SMG1: variants seen among roughly 807,000 people sequenced by gnomAD.
SMG1 encodes the protein SMG1 nonsense mediated mRNA decay associated PI3K related kinase, also known as serine/threonine-protein kinase SMG1.
In SMG1, 22 loss-of-function variants were observed where a neutral mutation model predicts 419.9. The ratio of observed to expected loss-of-function variants is 0.05; its 90% confidence interval spans 0.04 to 0.07. SMG1 has a LOEUF of 0.07. Ranked by LOEUF, SMG1 falls within the 10% of genes least tolerant of loss-of-function variation. The pLI is 1.00. For synonymous variants in SMG1, 1,538 were observed against 1,553.5 expected (o/e 0.99, Z 0.23); for missense variants, 3,185 against 4,342.0 (o/e 0.73, Z 7.49).
chr16:18,862,936 C>A (rs1398154277), intron 25 of SMG1, among the ~76,000 whole-genome samples: 4 of 152,174 alleles, frequency 2.6e-5, no homozygotes, highest in Non-Finnish European at 5.9e-5. Flanking sequence ...TGTCTTCCCT[C>A]CCAAGAAGGT....
chr16:18,882,754 C>A (rs941321505), intron 9 of SMG1, among the ~76,000 whole-genome samples: 1 of 152,102 alleles, frequency 6.6e-6, no homozygotes, highest in Admixed American at 6.5e-5. Context: ...CAAGAGCATG[C>A]ACATGAAGAG....
chr16:18,869,959 A>G lies in SMG1; in HGVS notation c.2528T>C (p.Leu843Ser), dbSNP rs764684606. The change falls in exon 19 of 63, where the codon TTA becomes TCA. Residue 843 changes from leucine to serine, a missense_variant. Coordinates refer to ENST00000446231, the MANE Select transcript of SMG1 (RefSeq NM_015092.5). Reference protein sequence around the residue: ...NNHTEIQEISLALRSHMSKAP... With the variant: ...NNHTEIQEISSALRSHMSKAP... The stretch of plus-strand genomic sequence containing the variant: ...TTTACTCATGTGACTTCTTAATGCT[A>G]AAGAAATTTCTTGAATTTCTGTGTG... 5 of 1,538,070 alleles carry G rather than the reference A, an allele frequency of 3.3e-6. No homozygotes were observed. The African/African-American group carries it at 5.5e-5, about 17-fold the overall frequency.
At position 18,926,092 on chromosome 16, in the gene SMG1, GT is replaced by G; in HGVS notation, c.-52del. On this transcript the variant is annotated 5_prime_UTR_variant, in exon 1 of 63. Coordinates refer to ENST00000446231, the MANE Select transcript of SMG1 (RefSeq NM_015092.5). The stretch of plus-strand genomic sequence containing the variant: ...AGCGCCGCCGCCCAAAGAAGCGCGA[GT>G]CGCCGCCCGAACCGGCCGCCGCCGA... 1 of 1,495,576 alleles carries G rather than the reference GT, an allele frequency of 6.7e-7. No individual in the cohort carries two copies. The highest frequency in any genetic ancestry group is 1.5e-5 in the African/African-American group (1 of 68,732). The allele number at this position is 1,495,576 out of a possible 1,614,324, so 92.6% of individuals were successfully genotyped here.
At chr16:18,844,210 CTT>C (rs2034096128) in intron 39 of SMG1, among the ~76,000 whole-genome samples, 1 of 152,068 alleles carries the variant, frequency 6.6e-6, no homozygotes. Flanking sequence ...GGGTGGATCA[CTT>C]GAGGCCAGGA....
chr16:18,870,533 T>C, intron 18 of SMG1, 77 bp downstream of exon 18: 1 of 809,320 alleles, frequency 1.2e-6, no homozygotes, highest in Non-Finnish European at 2.1e-6. Flanking sequence ...ATAGGTGATC[T>C]GTCTTCTCCT....
chr16:18,828,082 T>C lies in SMG1; in HGVS notation c.9690A>G (p.Lys3230=), dbSNP rs2032880363. 6.2e-7 allele frequency: 1 copy of C among 1,613,430 alleles called. No individual in the cohort carries two copies. Among genetic ancestry groups the C allele is most frequent in the Non-Finnish European group, 8.5e-7 (1 of 1,179,694 alleles). ...TCTGGCTCAGGGTATGCAGCTTCTTTTTCATGCTGGTTAGGATAGCAGACC... is the reference window on the plus strand; with the variant it reads ...TCTGGCTCAGGGTATGCAGCTTCTTCTTCATGCTGGTTAGGATAGCAGACC... ...PPRSAILTSM[K]KKLHTLSQIE... is the part of the protein sequence containing the mutation. Residue 3230 remains lysine, a synonymous_variant, in exon 55 of 63, where the codon AAA becomes AAG. Transcript: ENST00000446231.
intron 1 of SMG1, among the ~76,000 whole-genome samples, chr16:18,905,729 A>G (rs573412394): frequency 6.6e-6 from 1 of 151,208 alleles, no homozygotes; most frequent in South Asian, 2.1e-4. Context: ...CTCCTGCCTC[A>G]GCCTCCCAAG....
intron 1 of SMG1, among the ~76,000 whole-genome samples, chr16:18,920,090 TA>T (rs36117552): frequency 3.0e-4 from 45 of 149,046 alleles, no homozygotes; most frequent in African/African-American, 1.1e-3. Context: ...AACTATGTCT[TA>T]AAAAAAAAGG....
rs569714902 is a variant in SMG1 at position 18,877,674 on chromosome 16, T to C, written c.1519-442A>G. 590 of 154,726 alleles carry C rather than the reference T, an allele frequency of 3.8e-3. 3 individuals carry two copies. The highest frequency in any genetic ancestry group is 6.7e-3 in the Non-Finnish European group (468 of 69,488). The allele number at this position is 154,726 out of a possible 1,614,324, so 9.6% of individuals were successfully genotyped here. ...AATATGTTAATGAGGGGGAAACTGT[T>C]GGGATGAAGAAGGTATATGGGAACT... On this transcript the variant is annotated intron_variant, in intron 11 of 62. Transcript: ENST00000446231.
chr16:18,832,688 C>G (rs1410335234), intron 51 of SMG1, among the ~76,000 whole-genome samples: 1 of 151,518 alleles, frequency 6.6e-6, no homozygotes, highest in Non-Finnish European at 1.5e-5. Context: ...CATAGTGTTA[C>G]TATAGATACT....
chr16:18,926,050 C>G lies in SMG1; in HGVS notation c.-9G>C. The G allele has an allele frequency of 6.4e-7, 1 of 1,565,792 alleles. No individual in the cohort carries two copies. The highest frequency in any genetic ancestry group is 8.6e-7 in the Non-Finnish European group (1 of 1,165,080). On this transcript the variant is annotated 5_prime_UTR_variant, in exon 1 of 63. Transcript: ENST00000446231. ...GGGGCTCTGCGGCTCATTACCTTCC[C>G]CGACACGACATGGCCAAGCGCCGCC...
intron 28 of SMG1, 110 bp from the exon 29 acceptor site, chr16:18,858,400 T>C (rs1023750828): frequency 2.7e-5 from 24 of 881,806 alleles, no homozygotes; most frequent in Middle Eastern, 3.6e-4. Flanking sequence ...CTACTTCAGA[T>C]TGATTGCAGT....
chr16:18,878,364 T>C (rs1446729671), intron 11 of SMG1: 3 of 150,820 alleles, frequency 2.0e-5, no homozygotes, highest in Non-Finnish European at 1.5e-5. Flanking sequence ...TCCCAGCACT[T>C]TGGGAGGGCA....
At chr16:18,917,183 G>A (rs897053558) in intron 1 of SMG1, among the ~76,000 whole-genome samples, 7 of 151,682 alleles carry the variant, frequency 4.6e-5, no homozygotes, top group African/African-American at 1.2e-4. Context: ...ACAGAGTTTC[G>A]CTCCTGTTGC....
chr16:18,908,541 G>A (rs1387466960), intron 1 of SMG1, among the ~76,000 whole-genome samples: 1 of 150,560 alleles, frequency 6.6e-6, no homozygotes. Context: ...AAAATAGACA[G>A]GGACTTTATA....
In SMG1 at chr16:18,852,220, A is replaced by C. The variant is rs2034643717; in HGVS notation, c.4914-15T>G. The C allele has an allele frequency of 1.9e-6, 3 of 1,609,726 alleles. No individual in the cohort carries two copies. The African/African-American group carries it at 4.0e-5, about 22-fold the overall frequency. ...CTTCTCCCTGACTATAAAAATAAAC[A>C]AGTCATCAGTATTTCAGCTACCCAA... On this transcript the variant is annotated splice_polypyrimidine_tract_variant and intron_variant, in intron 32 of 62. Coordinates refer to ENST00000446231, the MANE Select transcript of SMG1 (RefSeq NM_015092.5).
At chr16:18,866,136 A>C (rs2035489857) in intron 23 of SMG1, 1 of 172,280 alleles carries the variant, frequency 5.8e-6, no homozygotes, top group Admixed American at 5.4e-5. Context: ...AACAGAAGTT[A>C]CTACAAAGAT....
intron 1 of SMG1, among the ~76,000 whole-genome samples, chr16:18,922,626 C>T (rs1179710184): frequency 1.3e-5 from 2 of 152,068 alleles, no homozygotes; most frequent in Admixed American, 6.6e-5. Context: ...CACCATATCC[C>T]GCTAATTTAT....
At chr16:18,905,222 T>C (rs896116170) in intron 1 of SMG1, among the ~76,000 whole-genome samples, 17 of 152,082 alleles carry the variant, frequency 1.1e-4, no homozygotes, top group Non-Finnish European at 1.9e-4. Flanking sequence ...GGTCGCGCCA[T>C]TGCACTCCAG....
Sources: gnomAD v4.1 joint callset for allele counts (sites outside exome capture counted in the v4.1 genomes callset) on GRCh38, gnomAD v4.1.1 for gene constraint, MANE v1.5 for transcripts, NCBI Gene and HGNC (gene_info 2026-07-23, HGNC 2026-07-21) for gene names.